Variants in GOLIM4 observed in about 807,000 individuals in gnomAD.
The protein encoded by GOLIM4 is 130 kDa golgi-localized phosphoprotein.
In GOLIM4, 71 loss-of-function variants were observed where a neutral mutation model predicts 107.4. The ratio of observed to expected loss-of-function variants is 0.66; its 90% CI spans 0.55 to 0.81. GOLIM4 has a LOEUF of 0.81. Among genes scored for constraint, GOLIM4 ranks in the 30% least tolerant of loss-of-function variants. GOLIM4 has a pLI of 0.00. For synonymous variants in GOLIM4, 327 were observed against 294.8 expected, an observed-to-expected ratio of 1.11 and a Z score of -1.12; for missense variants, 830 against 826.1, an observed-to-expected ratio of 1.00 and a Z score of -0.06.
rs772858666 is a variant in GOLIM4 at position 168,025,070 on chromosome 3, G to A, written c.1649C>T (p.Pro550Leu). 16 of 1,613,694 alleles carry A rather than the reference G, an allele frequency of 9.9e-6. No individual in the cohort carries two copies. In the East Asian group the frequency reaches 3.6e-4, roughly 36 times the overall value. The change falls in exon 13 of 16, where the codon CCA becomes CTA. Residue 550 changes from proline to leucine, a missense_variant. Pro to Leu is a moderately conservative substitution (Grantham distance 98, BLOSUM62 -3). Coordinates refer to ENST00000470487, the MANE Select transcript of GOLIM4 (RefSeq NM_014498.5). ...ADRAAVEDIN[P>L]ADDPNNQGED... ...ACCTTGATTATTAGGGTCATCTGCT[G>A]GGTTTATATCTTCTACAGCTGCCCT...
chr3:168,074,309 G>A (rs1720966797), intron 1 of GOLIM4, among the ~76,000 whole-genome samples: 1 of 152,176 alleles, frequency 6.6e-6, no homozygotes, highest in East Asian at 1.9e-4. Context: ...GTTGATTTAA[G>A]GTGCTAGGTT....
At chr3:168,085,650 T>C (rs1469054666) in intron 1 of GOLIM4, among the ~76,000 whole-genome samples, 2 of 152,070 alleles carry the variant, frequency 1.3e-5, no homozygotes, top group East Asian at 3.8e-4. Context: ...TGCAAACATA[T>C]GCCACCTTTC....
At position 168,032,508 on chromosome 3, in the gene GOLIM4, G is replaced by A. The variant is rs751656558; in HGVS notation, c.1176+12C>T. 22 of 1,603,220 alleles carry A rather than the reference G, an allele frequency of 1.4e-5. No individual in the cohort carries two copies. In the Admixed American group the frequency reaches 2.3e-4, roughly 17 times the overall value. ...TCCCAGTACACCATACCAGAAGCGG[G>A]TGACTTCATACCTCAGCACGCGCGT... On this transcript the variant is annotated intron_variant, in intron 9 of 15. Transcript: ENST00000470487.
At chr3:168,076,144 T>C (rs1721074750) in intron 1 of GOLIM4, among the ~76,000 whole-genome samples, 1 of 152,208 alleles carries the variant, frequency 6.6e-6, no homozygotes, top group Non-Finnish European at 1.5e-5. Flanking sequence ...AAGTCTTGGG[T>C]ATGAACATTT....
chr3:168,048,469 C>CAATTTA (rs1172008114), intron 1 of GOLIM4, 104 bp from the exon 2 acceptor site: 1 of 622,552 alleles, frequency 1.6e-6, no homozygotes, highest in Non-Finnish European at 2.8e-6. Context: ...AGTCTTTACA[C>CAATTTA]AATTTAAATA....
At chr3:168,051,189 C>T (rs1719623325) in intron 1 of GOLIM4, among the ~76,000 whole-genome samples, 1 of 151,954 alleles carries the variant, frequency 6.6e-6, no homozygotes, top group Non-Finnish European at 1.5e-5. Flanking sequence ...CTAGATGAAA[C>T]CAAGTAGAGA....
chr3:168,068,175 A>C (rs1335570395), intron 1 of GOLIM4, among the ~76,000 whole-genome samples: 1 of 152,168 alleles, frequency 6.6e-6, no homozygotes, highest in Non-Finnish European at 1.5e-5. Flanking sequence ...CTACAGAATT[A>C]AAATAACTTT....
At chr3:168,084,009 T>C (rs1721498533) in intron 1 of GOLIM4, among the ~76,000 whole-genome samples, 1 of 152,212 alleles carries the variant, frequency 6.6e-6, no homozygotes, top group African/African-American at 2.4e-5. Flanking sequence ...CTTGGATCTC[T>C]TGCTGATATG....
At chr3:168,030,157 T>A in intron 9 of GOLIM4, 121 bp from the exon 10 acceptor site, 3 of 948,172 alleles carry the variant, frequency 3.2e-6, no homozygotes, top group Non-Finnish European at 3.1e-6. Context: ...ATTTGTCAGG[T>A]GAACTGTGAT....
intron 11 of GOLIM4, 70 bp from the exon 12 acceptor site, chr3:168,027,907 A>T: frequency 1.0e-6 from 1 of 996,570 alleles, no homozygotes; most frequent in Non-Finnish European, 1.6e-6. Flanking sequence ...ACTCAAAGAA[A>T]AGCCACCAGT....
At chr3:168,018,389 G>C (rs556526965) in intron 14 of GOLIM4, among the ~76,000 whole-genome samples, 1 of 152,278 alleles carries the variant, frequency 6.6e-6, no homozygotes, top group African/African-American at 2.4e-5. Context: ...GCCTACAAAG[G>C]TGACTCTTCA....
intron 1 of GOLIM4, among the ~76,000 whole-genome samples, chr3:168,060,372 C>G (rs925957180): frequency 6.6e-6 from 1 of 152,150 alleles, no homozygotes; most frequent in African/African-American, 2.4e-5. Context: ...GACCAGTGTG[C>G]GTGCTGTGGA....
chr3:168,024,928 C>T lies in GOLIM4; in HGVS notation c.1791G>A (p.Val597=). The change falls in exon 13 of 16, where the codon GTG becomes GTA. Residue 597 remains valine, a splice_region_variant and synonymous_variant. Coordinates refer to ENST00000470487, the MANE Select transcript of GOLIM4 (RefSeq NM_014498.5). Reference sequence around the variant, plus strand: ...ACCCTTCCTCGTGGCATCTGCTTACCACCAAATGTTCCTCCACTTCTGTAT... The same window carrying T: ...ACCCTTCCTCGTGGCATCTGCTTACTACCAAATGTTCCTCCACTTCTGTAT... ...QENTEVEEHL[V]MAGNPDQQED... 3.1e-6 allele frequency: 5 copies of T among 1,612,756 alleles called. No homozygotes were observed. The highest frequency in any genetic ancestry group is 2.2e-5 in the South Asian group (2 of 90,966).
Position 168,043,440 on chromosome 3 carries a change from G to T in GOLIM4, c.456C>A (p.Asp152Glu), listed in dbSNP as rs1467646795. 1.9e-6 allele frequency: 3 copies of T among 1,611,872 alleles called. No homozygotes were observed. Among genetic ancestry groups the T allele is most frequent in the African/African-American group, 2.7e-5 (2 of 74,912 alleles). Residue 152 changes from aspartate (D) to glutamate (E), a missense_variant, in exon 5 of 16, where the codon GAC (aspartate) becomes GAA (glutamate). Asp to Glu is a conservative substitution (Grantham distance 45). Transcript: ENST00000470487. ...QGEDFSRTFNDHKQKYLQLQQ... is the reference protein window; with the variant it reads ...QGEDFSRTFNEHKQKYLQLQQ... Reference sequence around the variant, plus strand: ...GGAGCTGCAAGTATTTTTGCTTATGGTCATTAAATGTTCTACTGAAGTCTT... The same window carrying T: ...GGAGCTGCAAGTATTTTTGCTTATGTTCATTAAATGTTCTACTGAAGTCTT...
At chr3:168,057,322 C>T (rs896201873) in intron 1 of GOLIM4, among the ~76,000 whole-genome samples, 2 of 152,178 alleles carry the variant, frequency 1.3e-5, no homozygotes, top group African/African-American at 2.4e-5. Context: ...TGAAATAATA[C>T]ACCCTGGTAC....
intron 1 of GOLIM4, among the ~76,000 whole-genome samples, chr3:168,091,041 G>A (rs1721882655): frequency 6.6e-6 from 1 of 152,186 alleles, no homozygotes; most frequent in South Asian, 2.1e-4. Flanking sequence ...GTGAGAGTTG[G>A]AAATTTTCCT....
rs1307518657 is a variant in GOLIM4 at position 168,032,704 on chromosome 3, T to G, written c.992A>C (p.Glu331Ala). 1.9e-6 allele frequency: 3 copies of G among 1,614,132 alleles called. No individual in the cohort carries two copies. The highest frequency in any genetic ancestry group is 1.1e-5 in the South Asian group (1 of 91,080). Reference protein sequence around the residue: ...IQQEVERREPEEHQVEEEHRK... With the variant: ...IQQEVERREPAEHQVEEEHRK... ...GTGCTCCTCTTCCACCTGATGCTCCTCAGGTTCTCTGCGTTCCACTTCTTG... is the reference window on the plus strand; with the variant it reads ...GTGCTCCTCTTCCACCTGATGCTCCGCAGGTTCTCTGCGTTCCACTTCTTG... The change falls in exon 9 of 16, where the codon GAG (glutamate) becomes GCG (alanine). Residue 331 changes from glutamate to alanine, a missense_variant. Transcript: ENST00000470487.
chr3:168,037,545 A>C (rs1310063253), intron 7 of GOLIM4, among the ~76,000 whole-genome samples: 5 of 152,078 alleles, frequency 3.3e-5, no homozygotes, highest in African/African-American at 1.2e-4. Context: ...AGAATCCCTA[A>C]TTGGCTAGAA....
At chr3:168,033,531 C>T (rs1394904364) in intron 8 of GOLIM4, among the ~76,000 whole-genome samples, 7 of 130,932 alleles carry the variant, frequency 5.3e-5, no homozygotes, top group Admixed American at 9.2e-5. Flanking sequence ...GGCGTGAACC[C>T]GGGAGGCGGA....
Sources: gnomAD v4.1 joint callset for allele counts (sites outside exome capture counted in the v4.1 genomes callset) on GRCh38, gnomAD v4.1.1 for gene constraint, MANE v1.5 for transcripts, NCBI Gene and HGNC (gene_info 2026-07-23, HGNC 2026-07-21) for gene names.